The following UST variants were observed in gnomAD, a reference collection of about 807,000 sequenced individuals.
The protein encoded by UST is uronyl 2-sulfotransferase.
A neutral mutation model predicts 45.6 loss-of-function variants in UST; 21 were observed. That is an observed-to-expected ratio of 0.46 (90% confidence interval 0.33 to 0.66). The LOEUF is 0.66. Among genes scored for constraint, UST ranks in the 30% least tolerant of loss-of-function variants. The pLI is 0.02. For synonymous variants in UST, 215 were observed against 200.6 expected (o/e 1.07, Z -0.61); for missense variants, 463 against 512.4 (o/e 0.90, Z 0.93).
intron 5 of UST, among the ~76,000 whole-genome samples, chr6:149,002,626 C>A (rs1781572403): frequency 6.6e-6 from 1 of 152,124 alleles, no homozygotes; most frequent in South Asian, 2.1e-4. Flanking sequence ...CCTGTCTCAG[C>A]CTCTCGAGTA....
intron 2 of UST, among the ~76,000 whole-genome samples, chr6:148,916,832 A>G (rs1018884174): frequency 1.3e-5 from 2 of 152,232 alleles, no homozygotes; most frequent in Admixed American, 6.5e-5. Context: ...GCTGAGATGC[A>G]TGGATAAGCC....
At chr6:148,784,906 A>T (rs545048402) in intron 1 of UST, among the ~76,000 whole-genome samples, 65 of 152,334 alleles carry the variant, frequency 4.3e-4, no homozygotes, top group Non-Finnish European at 1.2e-4. Flanking sequence ...AATATTTAAC[A>T]GATAATGAAG....
At chr6:149,026,628 C>A (rs1776054437) in intron 7 of UST, among the ~76,000 whole-genome samples, 1 of 152,216 alleles carries the variant, frequency 6.6e-6, no homozygotes, top group East Asian at 1.9e-4. Context: ...GAGCATCCCT[C>A]TATAAACCCT....
At chr6:148,865,251 A>G (rs1259235873) in intron 1 of UST, among the ~76,000 whole-genome samples, 2 of 152,182 alleles carry the variant, frequency 1.3e-5, no homozygotes, top group African/African-American at 4.8e-5. Context: ...TTTTTGTGAC[A>G]TTAGTGGTGG....
intron 1 of UST, among the ~76,000 whole-genome samples, chr6:148,788,204 A>G (rs2114699101): frequency 6.6e-6 from 1 of 152,320 alleles, no homozygotes; most frequent in East Asian, 1.9e-4. Context: ...CCACGAGAAC[A>G]GTATGAGAGA....
chr6:149,026,769 C>T (rs758496647), intron 7 of UST, among the ~76,000 whole-genome samples: 1 of 152,190 alleles, frequency 6.6e-6, no homozygotes, highest in Non-Finnish European at 1.5e-5. Flanking sequence ...GTGTCCAATC[C>T]TTTTACTTTG....
intron 1 of UST, among the ~76,000 whole-genome samples, chr6:148,816,154 A>C (rs565246569): frequency 1.3e-5 from 2 of 152,298 alleles, no homozygotes; most frequent in South Asian, 4.1e-4. Flanking sequence ...TTTCACTGGG[A>C]TTTGCACACT....
intron 7 of UST, among the ~76,000 whole-genome samples, chr6:149,026,706 T>G (rs553222809): frequency 6.6e-6 from 1 of 152,364 alleles, no homozygotes; most frequent in East Asian, 1.9e-4. Flanking sequence ...TAGAACTCTA[T>G]GACCTAATAT....
At chr6:148,873,268 C>T (rs779058550) in intron 1 of UST, among the ~76,000 whole-genome samples, 2 of 152,132 alleles carry the variant, frequency 1.3e-5, no homozygotes, top group Non-Finnish European at 2.9e-5. Context: ...GAAAAGGACA[C>T]GTCAGCTAGA....
intron 5 of UST, among the ~76,000 whole-genome samples, chr6:148,987,814 G>T (rs1564601): frequency 0.35 from 53,584 of 151,878 alleles, 10,010 homozygotes; most frequent in Non-Finnish European, 0.42. Context: ...CATCCGTAGC[G>T]CCAAAACTCT....
At chr6:149,070,877 C>T (rs1472954141) in intron 7 of UST, among the ~76,000 whole-genome samples, 12 of 152,168 alleles carry the variant, frequency 7.9e-5, no homozygotes, top group Non-Finnish European at 8.8e-5. Context: ...AAGCAATTCT[C>T]CTGCCTCAGG....
chr6:148,865,511 A>C (rs1170146466), intron 1 of UST, among the ~76,000 whole-genome samples: 1 of 152,080 alleles, frequency 6.6e-6, no homozygotes, highest in Non-Finnish European at 1.5e-5. Flanking sequence ...TATTACGTTT[A>C]ATATAAAGAA....
chr6:148,763,981 T>G (rs1776271059), intron 1 of UST, among the ~76,000 whole-genome samples: 1 of 152,156 alleles, frequency 6.6e-6, no homozygotes, highest in South Asian at 2.1e-4. Flanking sequence ...CTATTCAGGG[T>G]CTTTTTGGTT....
intron 2 of UST, among the ~76,000 whole-genome samples, chr6:148,902,575 C>T (rs1374556614): frequency 6.6e-6 from 1 of 151,870 alleles, no homozygotes; most frequent in East Asian, 1.9e-4. Flanking sequence ...TTTTGAGTCT[C>T]ACGTTGTTGC....
rs1290182069 is a variant in UST at position 149,076,034 on chromosome 6, G to T, written c.*1918G>T. 1 of 152,808 alleles carries T rather than the reference G, an allele frequency of 6.5e-6. No individual in the cohort carries two copies. The highest frequency in any genetic ancestry group is 1.9e-4 in the East Asian group (1 of 5,188). 9.5% of individuals were successfully genotyped at this position (152,808 alleles called of 1,614,324 possible). A position where few individuals can be genotyped will look rare whatever the true frequency, so the allele number is the denominator to read the frequency against. On this transcript the variant is annotated 3_prime_UTR_variant, in exon 8 of 8. Transcript: ENST00000367463. ...AGCCCACAGGAGTCCAGGGAAGGCG[G>T]GGACCACAGAGGCACAGAGTCCAGC...
chr6:148,769,333 A>G (rs1415605994), intron 1 of UST, among the ~76,000 whole-genome samples: 1 of 152,284 alleles, frequency 6.6e-6, no homozygotes, highest in African/African-American at 2.4e-5. Flanking sequence ...GGCCAACAAG[A>G]TGGACCAGTA....
At chr6:149,072,344 A>G (rs1776831772) in intron 7 of UST, among the ~76,000 whole-genome samples, 1 of 152,210 alleles carries the variant, frequency 6.6e-6, no homozygotes, top group Non-Finnish European at 1.5e-5. Flanking sequence ...ATGGAATGTT[A>G]TTCAACCTTA....
intron 5 of UST, among the ~76,000 whole-genome samples, chr6:148,980,876 C>T (rs922991027): frequency 1.1e-4 from 16 of 152,040 alleles, no homozygotes; most frequent in African/African-American, 3.9e-4. Context: ...CAAGCCACCA[C>T]GCCTGACTAA....
chr6:149,048,315 A>G (rs1278384390), intron 7 of UST, among the ~76,000 whole-genome samples: 1 of 152,090 alleles, frequency 6.6e-6, no homozygotes, highest in Non-Finnish European at 1.5e-5. Flanking sequence ...GGCCGAGGCA[A>G]GTGGATCACT....
Sources: allele counts gnomAD v4.1 joint callset (sites outside exome capture counted in the v4.1 genomes callset), GRCh38; gene constraint gnomAD v4.1.1; transcripts MANE v1.5; gene names NCBI Gene and HGNC (gene_info 2026-07-23, HGNC 2026-07-21).